EEA1: variants seen among roughly 807,000 people sequenced by gnomAD.
EEA1 encodes early endosome antigen 1, also known as early endosome antigen 1, 162kD.
Under a neutral mutation model 209.2 loss-of-function variants are expected in EEA1, and 111 were observed. The observed-to-expected ratio is 0.53, with a 90% CI of 0.45 to 0.62. EEA1 has a LOEUF of 0.62. EEA1 is among the 20% of genes least tolerant of loss of function. EEA1 has a pLI of 0.00. For synonymous variants in EEA1, 536 were observed against 540.6 expected, an observed-to-expected ratio of 0.99 and a Z score of 0.12; for missense variants, 1,343 against 1,530.8, an observed-to-expected ratio of 0.88 and a Z score of 2.05.
chr12:92,817,622 T>C (rs558821377), intron 14 of EEA1, among the ~76,000 whole-genome samples: 3 of 152,356 alleles, frequency 2.0e-5, no homozygotes, highest in African/African-American at 7.2e-5. Context: ...CTCCATCATC[T>C]CTTACTTCAG....
intron 17 of EEA1, among the ~76,000 whole-genome samples, chr12:92,809,763 T>C (rs1449837681): frequency 3.3e-5 from 5 of 152,052 alleles, no homozygotes; most frequent in Non-Finnish European, 2.9e-5. Context: ...TAAATAGTTA[T>C]TATCTCAGTA....
chr12:92,843,183 G>A (rs564089736), intron 9 of EEA1, among the ~76,000 whole-genome samples: 6 of 151,938 alleles, frequency 3.9e-5, no homozygotes, highest in East Asian at 3.9e-4. Flanking sequence ...TTTTATACAG[G>A]GTCTTGCTCT....
At chr12:92,885,627 C>T (rs1224997694) in intron 2 of EEA1, among the ~76,000 whole-genome samples, 1 of 152,142 alleles carries the variant, frequency 6.6e-6, no homozygotes, top group Non-Finnish European at 1.5e-5. Flanking sequence ...TTAACAGCAC[C>T]TCTCTAATGT....
intron 1 of EEA1, among the ~76,000 whole-genome samples, chr12:92,908,009 A>G (rs117445406): frequency 2.0e-5 from 3 of 152,268 alleles, no homozygotes; most frequent in Non-Finnish European, 4.4e-5. Context: ...AATGAACTAA[A>G]ACAGATATTT....
intron 5 of EEA1, among the ~76,000 whole-genome samples, chr12:92,855,383 T>C (rs1209495335): frequency 1.4e-5 from 2 of 147,690 alleles, no homozygotes; most frequent in African/African-American, 2.5e-5. Flanking sequence ...TGAGCCGAGA[T>C]CGCGCGCCAC....
chr12:92,779,809 T>C (rs1299720041), intron 24 of EEA1, among the ~76,000 whole-genome samples: 1 of 152,156 alleles, frequency 6.6e-6, no homozygotes, highest in Non-Finnish European at 1.5e-5. Flanking sequence ...ATTAGTATTT[T>C]ACAAAGCAAA....
intron 9 of EEA1, among the ~76,000 whole-genome samples, chr12:92,846,409 A>G (rs1877390239): frequency 6.6e-6 from 1 of 152,246 alleles, no homozygotes; most frequent in South Asian, 2.1e-4. Flanking sequence ...TTAAAGAAGC[A>G]TACTTTAAAA....
intron 1 of EEA1, among the ~76,000 whole-genome samples, chr12:92,908,448 T>C (rs1880460654): frequency 1.3e-5 from 2 of 152,200 alleles, no homozygotes; most frequent in Non-Finnish European, 2.9e-5. Context: ...TTGTATCTTT[T>C]AAATTACGTA....
chr12:92,891,903 G>A lies in EEA1; in HGVS notation c.25-182C>T, dbSNP rs551802524. Among the ~76,000 whole-genome samples the A allele has an allele frequency of 4.6e-5, 7 of 152,204 alleles. No homozygotes were observed. The South Asian group carries it at 1.5e-3, about 32-fold the overall frequency. On this transcript the variant is annotated intron_variant, in intron 1 of 28. Transcript: ENST00000322349. ...ATGCTGTATCAAAATCTCTATATAT[G>A]CATTTCTCTCATTTTAAGTCACTTT...
At chr12:92,863,490 G>C (rs989486375) in intron 3 of EEA1, among the ~76,000 whole-genome samples, 1 of 152,192 alleles carries the variant, frequency 6.6e-6, no homozygotes, top group African/African-American at 2.4e-5. Context: ...TAAAGCCCCA[G>C]ATGAGCTCCC....
chr12:92,832,011 C>T lies in EEA1; in HGVS notation c.1254+501G>A, dbSNP rs569408317. ...CTGAGGCAGGAGAATGGCGTGAACC[C>T]GGGAAGCGGAGCTTGCAGTGAGCCG... On this transcript the variant is annotated intron_variant, in intron 11 of 28. Transcript: ENST00000322349. Among the ~76,000 whole-genome samples, 340 of 149,464 alleles carry T rather than the reference C, an allele frequency of 2.3e-3. 2 individuals are homozygous for T. Among genetic ancestry groups the T allele is most frequent in the African/African-American group, 7.7e-3 (313 of 40,610 alleles).
In EEA1 at chr12:92,773,428, G is replaced by A. The variant is rs150744282; in HGVS notation, c.*2583C>T. On this transcript the variant is annotated 3_prime_UTR_variant, in exon 29 of 29. Transcript: ENST00000322349. Reference sequence around the variant, plus strand: ...TTGAACAAAATGTTATTTATACACTGCATTGAGGTTTTTGTGTTTGTTTCC... The same window carrying A: ...TTGAACAAAATGTTATTTATACACTACATTGAGGTTTTTGTGTTTGTTTCC... 1 of 152,196 alleles carries A rather than the reference G, an allele frequency of 6.6e-6. No homozygotes were observed. The highest frequency in any genetic ancestry group is 2.4e-5 in the African/African-American group (1 of 41,512). The allele number at this position is 152,196 out of a possible 1,614,324, so 9.4% of individuals were successfully genotyped here. A position where few individuals can be genotyped will look rare whatever the true frequency, so the allele number is the denominator to read the frequency against.
rs1227242288 is a variant in EEA1 at position 92,781,949 on chromosome 12, C to T, written c.3336+1G>A. 1.2e-6 allele frequency: 2 copies of T among 1,603,106 alleles called. No individual in the cohort carries two copies. The highest frequency in any genetic ancestry group is 8.5e-7 in the Non-Finnish European group (1 of 1,173,732). ...AGATTTAGGTCAGAAACATGCAATA[C>T]CTTTTCTTTCTGAATGTCTTGTAGT... On this transcript the variant is annotated splice_donor_variant, in intron 23 of 28. Transcript: ENST00000322349. LOFTEE classifies it high-confidence loss of function.
At chr12:92,840,867 C>A (rs1877137728) in intron 10 of EEA1, among the ~76,000 whole-genome samples, 1 of 152,104 alleles carries the variant, frequency 6.6e-6, no homozygotes, top group Non-Finnish European at 1.5e-5. Context: ...AACTCTAACC[C>A]TCAAGGAGAT....
chr12:92,902,740 TAAA>T (rs35323066), intron 1 of EEA1, among the ~76,000 whole-genome samples: 5 of 125,092 alleles, frequency 4.0e-5, no homozygotes, highest in Admixed American at 8.4e-5. Context: ...AATTCTGTCT[TAAA>T]AAAAAAAAAA....
chr12:92,921,870 A>G (rs1246612333), intron 1 of EEA1, among the ~76,000 whole-genome samples: 1 of 146,706 alleles, frequency 6.8e-6, no homozygotes, highest in African/African-American at 2.5e-5. Context: ...CTGTCTCAAA[A>G]AAAAAAAAAA....
chr12:92,914,907 A>G (rs1282498773), intron 1 of EEA1, among the ~76,000 whole-genome samples: 1 of 151,736 alleles, frequency 6.6e-6, no homozygotes, highest in Non-Finnish European at 1.5e-5. Context: ...CAGGTGATCC[A>G]CCTGCCTCGG....
At chr12:92,914,001 CTTTCGT>C (rs1212055199) in intron 1 of EEA1, among the ~76,000 whole-genome samples, 1 of 152,176 alleles carries the variant, frequency 6.6e-6, no homozygotes, top group Non-Finnish European at 1.5e-5. Flanking sequence ...TTTGAGTTAT[CTTTCGT>C]ATATGGTGAA....
intron 10 of EEA1, among the ~76,000 whole-genome samples, chr12:92,833,919 G>C (rs978076306): frequency 1.3e-5 from 2 of 152,104 alleles, no homozygotes; most frequent in African/African-American, 4.8e-5. Context: ...GTCAAGGGGA[G>C]CTAGCTAGTT....
Sources: allele counts gnomAD v4.1 joint callset (sites outside exome capture counted in the v4.1 genomes callset), GRCh38; gene constraint gnomAD v4.1.1; transcripts MANE v1.5; gene names NCBI Gene and HGNC (gene_info 2026-07-23, HGNC 2026-07-21).